Variants in EYS observed in about 807,000 individuals in gnomAD.
EYS encodes protein eyes shut homolog.
In EYS, 250 loss-of-function variants were observed where a neutral mutation model predicts 282.1. That is an observed-to-expected ratio of 0.89 (90% CI 0.80 to 0.98). The LOEUF is 0.98. Ranked by LOEUF, EYS falls within the 50% of genes least tolerant of loss-of-function variation. The probability of loss-of-function intolerance (pLI) is 0.00; values close to 1 mark genes in which losing one functional copy is unlikely to be tolerated. For missense variants in EYS, 4,016 were observed against 3,709.0 expected, an observed-to-expected ratio of 1.08 and a Z score of -2.15; for synonymous variants, 1,355 against 1,282.9, an observed-to-expected ratio of 1.06 and a Z score of -1.20.
At chr6:64,527,608 G>C (rs2150529558) in intron 26 of EYS, among the ~76,000 whole-genome samples, 1 of 151,746 alleles carries the variant, frequency 6.6e-6, no homozygotes, top group Admixed American at 6.6e-5. Flanking sequence ...ACAATTCAAT[G>C]AAATATGACC....
At chr6:65,614,110 T>G (rs1379630870) in intron 2 of EYS, among the ~76,000 whole-genome samples, 2 of 152,034 alleles carry the variant, frequency 1.3e-5, no homozygotes, top group Non-Finnish European at 2.9e-5. Flanking sequence ...TATTTCATTT[T>G]CCATTATCTT....
chr6:64,695,861 G>A (rs1025397206), intron 22 of EYS, among the ~76,000 whole-genome samples: 2 of 151,944 alleles, frequency 1.3e-5, no homozygotes, highest in South Asian at 4.1e-4. Flanking sequence ...ATAAAAAAGT[G>A]CCATCCCAAT....
intron 26 of EYS, among the ~76,000 whole-genome samples, chr6:64,524,032 C>T (rs914472015): frequency 2.0e-5 from 3 of 151,582 alleles, no homozygotes; most frequent in African/African-American, 4.8e-5. Context: ...TTTTACTTAT[C>T]ATCCAGGAAA....
chr6:64,231,054 G>A (rs954463728), intron 30 of EYS, among the ~76,000 whole-genome samples: 1 of 151,842 alleles, frequency 6.6e-6, no homozygotes, highest in African/African-American at 2.4e-5. Flanking sequence ...AAACGTGGAA[G>A]AAATAACCTT....
At chr6:64,063,158 A>G (rs947066966) in intron 33 of EYS, among the ~76,000 whole-genome samples, 3 of 151,570 alleles carry the variant, frequency 2.0e-5, no homozygotes, top group African/African-American at 7.3e-5. Flanking sequence ...TCTACTGTAT[A>G]CTCTCATCCT....
chr6:65,319,548 A>G (rs899129747), intron 11 of EYS, among the ~76,000 whole-genome samples: 1 of 152,094 alleles, frequency 6.6e-6, no homozygotes, highest in Non-Finnish European at 1.5e-5. Flanking sequence ...TCTTATTTTC[A>G]AAAACATTGT....
intron 12 of EYS, among the ~76,000 whole-genome samples, chr6:65,071,910 C>T (rs1023228731): frequency 3.3e-5 from 5 of 151,822 alleles, no homozygotes; most frequent in Middle Eastern, 6.8e-3. Flanking sequence ...TATAAAAGTG[C>T]TTGATGAGGA....
intron 30 of EYS, among the ~76,000 whole-genome samples, chr6:64,247,151 C>T (rs1399340501): frequency 6.6e-6 from 1 of 151,892 alleles, no homozygotes; most frequent in Non-Finnish European, 1.5e-5. Flanking sequence ...ATAAAACTTA[C>T]AGGAAAGAAA....
At chr6:64,169,111 A>T (rs1455709281) in intron 31 of EYS, among the ~76,000 whole-genome samples, 1 of 152,212 alleles carries the variant, frequency 6.6e-6, no homozygotes, top group African/African-American at 2.4e-5. Context: ...CCATAACAGT[A>T]AAGGTCTTGA....
intron 33 of EYS, among the ~76,000 whole-genome samples, chr6:64,036,850 C>A (rs1270829342): frequency 6.6e-6 from 1 of 152,154 alleles, no homozygotes; most frequent in Non-Finnish European, 1.5e-5. Context: ...AAGTAACTTG[C>A]TCTAGACCAC....
intron 31 of EYS, among the ~76,000 whole-genome samples, chr6:64,187,498 C>A (rs1481069168): frequency 6.6e-6 from 1 of 151,140 alleles, no homozygotes; most frequent in African/African-American, 2.4e-5. Flanking sequence ...TGGTTAAATA[C>A]AAGGAAAAAA....
At chr6:65,138,687 C>A (rs1215530276) in intron 12 of EYS, among the ~76,000 whole-genome samples, 1 of 151,964 alleles carries the variant, frequency 6.6e-6, no homozygotes, top group African/African-American at 2.4e-5. Context: ...GAACTACCAA[C>A]AAGAGTTCAG....
At chr6:63,935,937 C>T (rs1027565068) in intron 35 of EYS, among the ~76,000 whole-genome samples, 3 of 152,182 alleles carry the variant, frequency 2.0e-5, no homozygotes, top group African/African-American at 4.8e-5. Context: ...ATGTAGGCAA[C>T]TTGATTCACC....
chr6:65,697,285 C>G (rs990477178), intron 1 of EYS, among the ~76,000 whole-genome samples: 1 of 152,008 alleles, frequency 6.6e-6, no homozygotes, highest in Non-Finnish European at 1.5e-5. Context: ...TAAAACTATT[C>G]TTCACAAGCT....
intron 41 of EYS, among the ~76,000 whole-genome samples, chr6:63,728,842 C>T (rs1396479196): frequency 2.0e-5 from 3 of 152,068 alleles, no homozygotes; most frequent in East Asian, 1.9e-4. Context: ...CTCCTTTGGA[C>T]AAATACCAAG....
At chr6:65,383,926 T>C (rs1479179447) in intron 8 of EYS, among the ~76,000 whole-genome samples, 2 of 151,882 alleles carry the variant, frequency 1.3e-5, no homozygotes, top group Non-Finnish European at 2.9e-5. Context: ...CTAATAGACA[T>C]ACCTACAAGT....
intron 12 of EYS, among the ~76,000 whole-genome samples, chr6:65,232,101 T>C (rs933450910): frequency 6.6e-6 from 1 of 152,070 alleles, no homozygotes; most frequent in Non-Finnish European, 1.5e-5. Context: ...CATTATATTA[T>C]ATACAGTTTC....
chr6:65,162,746 G>C (rs890944702), intron 12 of EYS, among the ~76,000 whole-genome samples: 1 of 150,710 alleles, frequency 6.6e-6, no homozygotes, highest in Non-Finnish European at 1.5e-5. Context: ...TGGTGTTTAG[G>C]TGCTCTGTGC....
chr6:64,257,770 GA>G (rs1767450524), intron 30 of EYS, among the ~76,000 whole-genome samples: 3 of 24,772 alleles, frequency 1.2e-4, no homozygotes, highest in East Asian at 6.7e-4. Context: ...TGGTGTGGAT[GA>G]TGATGATGAT....
Sources: gnomAD v4.1 joint callset for allele counts (sites outside exome capture counted in the v4.1 genomes callset) on GRCh38, gnomAD v4.1.1 for gene constraint, MANE v1.5 for transcripts, NCBI Gene and HGNC (gene_info 2026-07-23, HGNC 2026-07-21) for gene names.